The following CADPS2 variants were observed in gnomAD, a reference collection of about 807,000 sequenced individuals.
CADPS2 encodes the protein calcium dependent secretion activator 2.
In CADPS2, 93 loss-of-function variants were observed where a neutral mutation model predicts 172.5. The ratio of observed to expected loss-of-function variants is 0.54; its 90% CI spans 0.46 to 0.64. The LOEUF (loss-of-function observed/expected upper bound fraction) is 0.64, where lower values mean the gene tolerates loss of function less well. CADPS2 is among the 30% of genes least tolerant of loss of function. The pLI is 0.00. For missense variants in CADPS2, 1,420 were observed against 1,565.9 expected (o/e 0.91, Z 1.57); for synonymous variants, 546 against 555.2 (o/e 0.98, Z 0.23).
At chr7:122,626,712 G>C (rs755415877) in intron 4 of CADPS2, among the ~76,000 whole-genome samples, 1 of 152,108 alleles carries the variant, frequency 6.6e-6, no homozygotes, top group African/African-American at 2.4e-5. Context: ...TTATCCCAAT[G>C]TATCCCAAGT....
intron 25 of CADPS2, among the ~76,000 whole-genome samples, chr7:122,365,948 T>G (rs907199205): frequency 4.6e-5 from 7 of 152,196 alleles, no homozygotes; most frequent in African/African-American, 1.7e-4. Context: ...TCTTGCATTT[T>G]TAGCTGTGAC....
chr7:122,411,271 A>G (rs1298370878), intron 19 of CADPS2, among the ~76,000 whole-genome samples: 2 of 146,774 alleles, frequency 1.4e-5, no homozygotes, highest in Non-Finnish European at 3.0e-5. Context: ...CCCAGGCTGG[A>G]GTGCAGCGGC....
chr7:122,568,632 A>G (rs1299447649), intron 7 of CADPS2, among the ~76,000 whole-genome samples: 1 of 152,160 alleles, frequency 6.6e-6, no homozygotes, highest in Non-Finnish European at 1.5e-5. Flanking sequence ...CTGTGCTAGA[A>G]CAACATGTTC....
intron 25 of CADPS2, among the ~76,000 whole-genome samples, chr7:122,371,367 G>A (rs6949782): frequency 0.33 from 49,613 of 151,916 alleles, 8,493 homozygotes; most frequent in East Asian, 0.58. Context: ...CAATCATGGC[G>A]GAAGGCAAAG....
chr7:122,845,007 T>C (rs563103015), intron 1 of CADPS2, among the ~76,000 whole-genome samples: 1 of 152,300 alleles, frequency 6.6e-6, no homozygotes, highest in Admixed American at 6.5e-5. Flanking sequence ...TCAAGATGCT[T>C]TTGAGAGACT....
chr7:122,885,447 T>C (rs1824075457), intron 1 of CADPS2, among the ~76,000 whole-genome samples: 2 of 152,134 alleles, frequency 1.3e-5, no homozygotes, highest in African/African-American at 2.4e-5. Flanking sequence ...TTTGATGTCC[T>C]GGTTGTATGA....
At chr7:122,728,571 T>C (rs2091330247) in intron 2 of CADPS2, among the ~76,000 whole-genome samples, 1 of 151,732 alleles carries the variant, frequency 6.6e-6, no homozygotes, top group Admixed American at 6.6e-5. Context: ...GTCCTGAAAG[T>C]AAAGTATCAA....
At chr7:122,850,209 C>A in intron 1 of CADPS2, 1 of 1,105,176 alleles carries the variant, frequency 9.0e-7, no homozygotes, top group Non-Finnish European at 1.2e-6. Flanking sequence ...GAGGCTATAA[C>A]TCGCCAAGTG....
At chr7:122,541,784 T>A (rs1175971059) in intron 8 of CADPS2, among the ~76,000 whole-genome samples, 2 of 104,746 alleles carry the variant, frequency 1.9e-5, no homozygotes, top group South Asian at 3.3e-4. Context: ...CATATATTCA[T>A]ATATTTATAT....
In CADPS2 at chr7:122,451,359, TA is replaced by T; in HGVS notation, c.2288+14del. ...GTATGAAAAGAAATATTTATATTAATAAAAAAATATATACCTGAAATGGCTT... is the reference window on the plus strand; with the variant it reads ...GTATGAAAAGAAATATTTATATTAATAAAAAATATATACCTGAAATGGCTT... On this transcript the variant is annotated intron_variant, in intron 15 of 29. Coordinates refer to ENST00000449022, the MANE Select transcript of CADPS2 (RefSeq NM_017954.11). The T allele has an allele frequency of 3.9e-6, 5 of 1,293,624 alleles. No individual in the cohort carries two copies. The highest frequency in any genetic ancestry group is 3.4e-5 in the South Asian group (2 of 59,316). 80.1% of individuals were successfully genotyped at this position (1,293,624 alleles called of 1,614,324 possible).
chr7:122,439,216 A>G (rs2051043760), intron 16 of CADPS2, among the ~76,000 whole-genome samples: 1 of 152,166 alleles, frequency 6.6e-6, no homozygotes, highest in Non-Finnish European at 1.5e-5. Flanking sequence ...TTCAAAATGT[A>G]ATGTATTTAT....
rs138585960 is a variant in CADPS2, at chr7:122,612,258, T to C, written c.1223+2923A>G. Among the ~76,000 whole-genome samples, 828 of 152,066 alleles carry C rather than the reference T, an allele frequency of 5.4e-3. 4 individuals are homozygous for C. Among genetic ancestry groups the C allele is most frequent in the African/African-American group, 0.019 (787 of 41,522 alleles). The stretch of plus-strand genomic sequence containing the variant: ...AATTAGACAGGAAGAAGTTAAACTA[T>C]CAGTATTTGCAGATGACATGGTCTT... On this transcript the variant is annotated intron_variant, in intron 6 of 29. Coordinates refer to ENST00000449022, the MANE Select transcript of CADPS2 (RefSeq NM_017954.11).
intron 17 of CADPS2, among the ~76,000 whole-genome samples, chr7:122,437,510 T>G (rs556199362): frequency 6.6e-6 from 1 of 152,240 alleles, no homozygotes; most frequent in African/African-American, 2.4e-5. Context: ...TTACTAAAAT[T>G]TTATAAAGGA....
At chr7:122,456,688 T>A (rs74569799) in intron 14 of CADPS2, among the ~76,000 whole-genome samples, 3,943 of 152,260 alleles carry the variant, frequency 0.026, 160 homozygotes, top group African/African-American at 0.09. Flanking sequence ...TGAGGCCTGA[T>A]CTTAACGTCT....
intron 2 of CADPS2, among the ~76,000 whole-genome samples, chr7:122,710,350 A>G (rs554745799): frequency 6.6e-6 from 1 of 152,164 alleles, no homozygotes; most frequent in South Asian, 2.1e-4. Flanking sequence ...GATGACAACA[A>G]CATGAGCATA....
intron 2 of CADPS2, among the ~76,000 whole-genome samples, chr7:122,700,934 T>C (rs1039420946): frequency 3.3e-5 from 5 of 152,236 alleles, no homozygotes; most frequent in Middle Eastern, 3.4e-3. Context: ...AAATAATTAT[T>C]TAGAACACAT....
intron 1 of CADPS2, among the ~76,000 whole-genome samples, chr7:122,787,592 C>T (rs757617417): frequency 5.9e-5 from 9 of 152,284 alleles, no homozygotes; most frequent in African/African-American, 9.6e-5. Flanking sequence ...TATCCATCTC[C>T]GCCAATAGAC....
At chr7:122,578,628 G>A (rs2068370660) in intron 7 of CADPS2, among the ~76,000 whole-genome samples, 2 of 152,012 alleles carry the variant, frequency 1.3e-5, no homozygotes, top group African/African-American at 4.8e-5. Context: ...ACACCTGTCG[G>A]GCCTGCTACA....
intron 7 of CADPS2, among the ~76,000 whole-genome samples, chr7:122,562,210 T>C (rs2065865210): frequency 1.3e-5 from 2 of 152,120 alleles, no homozygotes; most frequent in African/African-American, 4.8e-5. Flanking sequence ...TTACCTTAAA[T>C]GGCAAAGGAG....
Sources: allele counts gnomAD v4.1 joint callset (sites outside exome capture counted in the v4.1 genomes callset), GRCh38; gene constraint gnomAD v4.1.1; transcripts MANE v1.5; gene names NCBI Gene and HGNC (gene_info 2026-07-23, HGNC 2026-07-21).